COL24A1: variants seen among roughly 807,000 people sequenced by gnomAD.
The protein encoded by COL24A1 is collagen alpha-1(XXIV) chain.
In COL24A1, 224 loss-of-function variants were observed where a neutral mutation model predicts 253.9. The ratio of observed to expected loss-of-function variants is 0.88; its 90% CI spans 0.79 to 0.99. COL24A1 has a LOEUF of 0.99. Among genes scored for constraint, COL24A1 ranks in the 50% least tolerant of loss-of-function variants. The probability of loss-of-function intolerance (pLI) is 0.00; values close to 1 mark genes in which losing one functional copy is unlikely to be tolerated. For synonymous variants in COL24A1, 685 were observed against 673.7 expected (o/e 1.02, Z -0.26); for missense variants, 2,131 against 2,068.5 (o/e 1.03, Z -0.59).
intron 24 of COL24A1, among the ~76,000 whole-genome samples, chr1:85,948,227 A>G (rs1448805912): frequency 1.3e-5 from 2 of 152,180 alleles, no homozygotes; most frequent in Non-Finnish European, 2.9e-5. Context: ...CTTTTTGGTA[A>G]CTAAAGAAAC....
chr1:86,055,470 A>T (rs564219195), intron 10 of COL24A1, among the ~76,000 whole-genome samples: 1 of 152,196 alleles, frequency 6.6e-6, no homozygotes, highest in South Asian at 2.1e-4. Flanking sequence ...AAAAAACAAA[A>T]GGATGTATAA....
intron 4 of COL24A1, among the ~76,000 whole-genome samples, chr1:86,113,837 C>CAAAAAAAAAAAAAAAAAAAAAAAAAA (rs36014881): frequency 1.4e-5 from 1 of 72,404 alleles, no homozygotes. Context: ...TCCTGTCTCA[C>CAAAAAAAAAAAAAAAAAAAAAAAAAA]AAAAAAAAAA....
intron 2 of COL24A1, 32 bp downstream of exon 2, chr1:86,146,087 T>A: frequency 1.3e-6 from 2 of 1,567,900 alleles, no homozygotes; most frequent in Non-Finnish European, 1.7e-6. Flanking sequence ...AATTTTTAAG[T>A]AAGCAAATAA....
chr1:86,092,194 T>C (rs1364292310), intron 6 of COL24A1, 73 bp downstream of exon 6: 2 of 1,229,058 alleles, frequency 1.6e-6, no homozygotes, highest in African/African-American at 3.1e-5. Flanking sequence ...AAATCTACAT[T>C]TAAAAATGCT....
At chr1:85,846,909 A>G (rs945850345) in intron 39 of COL24A1, among the ~76,000 whole-genome samples, 2 of 152,140 alleles carry the variant, frequency 1.3e-5, no homozygotes, top group African/African-American at 4.8e-5. Context: ...CTCAGACAAC[A>G]AATGGATTAT....
intron 37 of COL24A1, among the ~76,000 whole-genome samples, chr1:85,867,528 A>C (rs1393486098): frequency 6.6e-6 from 1 of 152,240 alleles, no homozygotes; most frequent in Non-Finnish European, 1.5e-5. Flanking sequence ...GTAGGGTCAA[A>C]AGGGATGACT....
At chr1:86,053,847 G>A (rs939871053) in intron 10 of COL24A1, among the ~76,000 whole-genome samples, 1 of 152,038 alleles carries the variant, frequency 6.6e-6, no homozygotes, top group Non-Finnish European at 1.5e-5. Context: ...AAATATTCAT[G>A]TACAATGCAT....
chr1:85,986,754 T>A (rs1693754445), intron 20 of COL24A1, among the ~76,000 whole-genome samples: 1 of 151,858 alleles, frequency 6.6e-6, no homozygotes, highest in Non-Finnish European at 1.5e-5. Flanking sequence ...AATATAGCTA[T>A]AATCAAGATC....
Position 86,031,871 on chromosome 1 carries a change from T to G in COL24A1, c.2049+7A>C. On this transcript the variant is annotated splice_region_variant and intron_variant, in intron 14 of 59. Coordinates refer to ENST00000370571, the MANE Select transcript of COL24A1 (RefSeq NM_152890.7). ...TCTTAAGAATGATGATATTTAGTGA[T>G]ACTCACTCTAAGCCCAGGAAACCCC... 6.3e-7 allele frequency: 1 copy of G among 1,599,598 alleles called. No individual in the cohort carries two copies. The highest frequency in any genetic ancestry group is 8.5e-7 in the Non-Finnish European group (1 of 1,172,226).
intron 47 of COL24A1, among the ~76,000 whole-genome samples, chr1:85,797,519 G>A (rs1175131151): frequency 6.6e-6 from 1 of 152,182 alleles, no homozygotes; most frequent in East Asian, 1.9e-4. Flanking sequence ...CAGAAAGTGG[G>A]GGAAATAATA....
intron 7 of COL24A1, among the ~76,000 whole-genome samples, chr1:86,072,871 C>T (rs140426173): frequency 2.1e-3 from 325 of 152,088 alleles, no homozygotes; most frequent in African/African-American, 7.4e-3. Flanking sequence ...CCAGCAAACC[C>T]GCAGCAGAGG....
chr1:86,049,611 A>G (rs77116700), intron 11 of COL24A1, among the ~76,000 whole-genome samples: 1 of 152,204 alleles, frequency 6.6e-6, no homozygotes, highest in East Asian at 1.9e-4. Flanking sequence ...CTGCAATGCC[A>G]TAACTCCCAT....
chr1:86,111,446 T>C (rs186874295), intron 5 of COL24A1, among the ~76,000 whole-genome samples: 1 of 152,022 alleles, frequency 6.6e-6, no homozygotes. Context: ...AGTGTATAGC[T>C]CAGGGATTGT....
chr1:86,148,037 T>C (rs960010767), intron 1 of COL24A1, among the ~76,000 whole-genome samples: 1 of 152,208 alleles, frequency 6.6e-6, no homozygotes, highest in Non-Finnish European at 1.5e-5. Flanking sequence ...CTGGGTGTAC[T>C]GACGCTACTG....
chr1:86,011,609 A>G (rs1696488378), intron 19 of COL24A1, among the ~76,000 whole-genome samples: 1 of 152,196 alleles, frequency 6.6e-6, no homozygotes, highest in East Asian at 1.9e-4. Flanking sequence ...GTGCAAATTA[A>G]ATGTCAATGG....
chr1:86,103,558 G>A (rs919631817), intron 5 of COL24A1, among the ~76,000 whole-genome samples: 1 of 152,162 alleles, frequency 6.6e-6, no homozygotes, highest in Non-Finnish European at 1.5e-5. Flanking sequence ...AGGAGCTCTT[G>A]TAAGGCAGGT....
intron 53 of COL24A1, among the ~76,000 whole-genome samples, chr1:85,762,785 G>A (rs533699457): frequency 6.6e-5 from 10 of 152,088 alleles, no homozygotes; most frequent in African/African-American, 9.7e-5. Context: ...TTTGACATTT[G>A]GAAAATATCA....
intron 24 of COL24A1, among the ~76,000 whole-genome samples, chr1:85,949,825 G>A (rs1689716798): frequency 6.6e-6 from 1 of 152,062 alleles, no homozygotes; most frequent in South Asian, 2.1e-4. Context: ...GTTAATGACT[G>A]TAGATGGCAT....
intron 24 of COL24A1, among the ~76,000 whole-genome samples, chr1:85,921,573 GC>G (rs1313022733): frequency 1.3e-5 from 2 of 152,220 alleles, no homozygotes; most frequent in Admixed American, 6.5e-5. Flanking sequence ...CAGACCTGCA[GC>G]TGAGGGACCT....
Sources: gnomAD v4.1 joint callset for allele counts (sites outside exome capture counted in the v4.1 genomes callset) on GRCh38, gnomAD v4.1.1 for gene constraint, MANE v1.5 for transcripts, NCBI Gene and HGNC (gene_info 2026-07-23, HGNC 2026-07-21) for gene names.